Variants in TSKS observed in about 807,000 individuals in gnomAD.
The protein encoded by TSKS is testis-specific serine kinase substrate.
A neutral mutation model predicts 68.0 loss-of-function variants in TSKS; 27 were observed. The ratio of observed to expected loss-of-function variants is 0.40; its 90% CI spans 0.29 to 0.55. The LOEUF (loss-of-function observed/expected upper bound fraction) is 0.55, where lower values mean the gene tolerates loss of function less well. Ranked by LOEUF, TSKS falls within the 20% of genes least tolerant of loss-of-function variation. The pLI is 0.53. For missense variants in TSKS, 806 were observed against 776.0 expected, an observed-to-expected ratio of 1.04 and a Z score of -0.46; for synonymous variants, 331 against 340.4, an observed-to-expected ratio of 0.97 and a Z score of 0.30.
At position 49,759,663 on chromosome 19, in the gene TSKS, C is replaced by A. The variant is rs1041819164; in HGVS notation, c.399+2341G>T. 4.2e-3 allele frequency among the ~76,000 whole-genome samples: 532 copies of A among 127,418 alleles called. 1 individual carries two copies. Among genetic ancestry groups the A allele is most frequent in the African/African-American group, 0.013 (401 of 31,624 alleles). 83.6% of individuals were successfully genotyped at this position (127,418 alleles called of 152,430 possible). A position where few individuals can be genotyped will look rare whatever the true frequency, so the allele number is the denominator to read the frequency against. The stretch of plus-strand genomic sequence containing the variant: ...ACCCAGTCTCAAAAAAAAAAAAAAA[C>A]CGAAAGAAAGAAAAAAATTTGTTTA... On this transcript the variant is annotated intron_variant, in intron 2 of 10. Transcript: ENST00000246801.
intron 2 of TSKS, among the ~76,000 whole-genome samples, chr19:49,760,368 T>C (rs1159623978): frequency 6.6e-6 from 1 of 151,608 alleles, no homozygotes; most frequent in African/African-American, 2.4e-5. Flanking sequence ...TCGCCCAGGC[T>C]GGAGTGCAGT....
At chr19:49,747,568 T>C (rs2084313655) in intron 4 of TSKS, 96 bp from the exon 5 acceptor site, 4 of 1,242,854 alleles carry the variant, frequency 3.2e-6, no homozygotes, top group Admixed American at 3.5e-5. Context: ...CCAGGCCTCC[T>C]AGCCCCCCAG....
chr19:49,754,955 G>A (rs934402471), intron 2 of TSKS, among the ~76,000 whole-genome samples: 4 of 152,076 alleles, frequency 2.6e-5, no homozygotes, highest in Non-Finnish European at 5.9e-5. Flanking sequence ...AAAATTAGCC[G>A]GGGATGGGGT....
At chr19:49,742,154 C>T in intron 8 of TSKS, 134 bp from the exon 9 acceptor site, 1 of 945,982 alleles carries the variant, frequency 1.1e-6, no homozygotes. Context: ...CCAGCATGCA[C>T]TGTGCACCAG....
rs2084445686 is a variant in TSKS, at chr19:49,762,041, G to A, written c.362C>T (p.Pro121Leu). The A allele has an allele frequency of 6.2e-7, 1 of 1,614,014 alleles. No individual in the cohort carries two copies. Among genetic ancestry groups the A allele is most frequent in the Non-Finnish European group, 8.5e-7 (1 of 1,180,014 alleles). ...GATGTCTGCGTCATCCGGATCCCAGGGTAGGGTAGGGGAGGCAGGGGGCCC... is the reference window on the plus strand; with the variant it reads ...GATGTCTGCGTCATCCGGATCCCAGAGTAGGGTAGGGGAGGCAGGGGGCCC... ...LAGPPASPTL[P>L]WDPDDADITE... Residue 121 changes from proline (P) to leucine (L), a missense_variant, in exon 2 of 11, where the codon CCC becomes CTC. Pro to Leu is a moderately conservative substitution (Grantham distance 98, BLOSUM62 -3). Coordinates refer to ENST00000246801, the MANE Select transcript of TSKS (RefSeq NM_021733.2).
intron 6 of TSKS, 104 bp downstream of exon 6, chr19:49,746,366 A>G (rs1326822717): frequency 7.3e-7 from 1 of 1,371,600 alleles, no homozygotes; most frequent in East Asian, 2.4e-5. Flanking sequence ...CAGCTACTTG[A>G]GAACCCCCGT....
intron 5 of TSKS, chr19:49,747,077 G>A: frequency 4.1e-6 from 6 of 1,450,388 alleles, no homozygotes; most frequent in Admixed American, 2.1e-5. Flanking sequence ...CACTTGGCAA[G>A]AACAACTGAA....
chr19:49,750,262 C>CTT (rs34913477), intron 2 of TSKS, among the ~76,000 whole-genome samples: 249 of 136,226 alleles, frequency 1.8e-3, no homozygotes, highest in African/African-American at 3.4e-3. Flanking sequence ...CATTGACATT[C>CTT]TTTTTTTTTT....
intron 2 of TSKS, among the ~76,000 whole-genome samples, chr19:49,749,195 C>T (rs1460082936): frequency 6.6e-6 from 1 of 152,184 alleles, no homozygotes. Flanking sequence ...ATGCACCAAG[C>T]ACTTGTCTTG....
rs944902069 is a variant in TSKS at position 49,760,327 on chromosome 19, A to T, written c.399+1677T>A. Among the ~76,000 whole-genome samples the T allele has an allele frequency of 2.0e-5, 3 of 151,788 alleles. No individual in the cohort carries two copies. The East Asian group carries it at 5.8e-4, about 30-fold the overall frequency. ...CTCTACAAAAATTATTATTATTGTT[A>T]TTATTTTTTTTTTGACAGACTCTCG... On this transcript the variant is annotated intron_variant, in intron 2 of 10. Coordinates refer to ENST00000246801, the MANE Select transcript of TSKS (RefSeq NM_021733.2).
At chr19:49,741,762 C>CA (rs1243398239) in intron 9 of TSKS, 123 bp downstream of exon 9, 7 of 1,382,688 alleles carry the variant, frequency 5.1e-6, no homozygotes, top group Non-Finnish European at 6.0e-6. Context: ...CCAGTGCCTG[C>CA]TGCTCCCAGC....
intron 6 of TSKS, 76 bp downstream of exon 6, chr19:49,746,394 C>T: frequency 6.4e-7 from 1 of 1,555,798 alleles, no homozygotes; most frequent in Non-Finnish European, 8.8e-7. Context: ...GTCCCGCCCA[C>T]CGCATCTCCT....
At chr19:49,759,362 G>C (rs1287834330) in intron 2 of TSKS, among the ~76,000 whole-genome samples, 1 of 151,530 alleles carries the variant, frequency 6.6e-6, no homozygotes, top group Admixed American at 6.6e-5. Context: ...CCAGCTACTC[G>C]GGAGGCTGAG....
intron 2 of TSKS, 22 bp downstream of exon 2, chr19:49,761,982 G>T (rs766562811): frequency 1.3e-6 from 2 of 1,585,756 alleles, no homozygotes; most frequent in Non-Finnish European, 1.7e-6. Flanking sequence ...CCTCCCCAGC[G>T]GGTGGTGTGG....
At chr19:49,760,581 C>T (rs902221130) in intron 2 of TSKS, among the ~76,000 whole-genome samples, 10 of 151,990 alleles carry the variant, frequency 6.6e-5, no homozygotes, top group Non-Finnish European at 8.8e-5. Context: ...ATGATCCACC[C>T]GCCTCGGCCT....
In TSKS at chr19:49,744,234, G is replaced by A; in HGVS notation, c.1358C>T (p.Ala453Val). 6.2e-7 allele frequency: 1 copy of A among 1,610,916 alleles called. No homozygotes were observed. Among genetic ancestry groups the A allele is most frequent in the Non-Finnish European group, 8.5e-7 (1 of 1,177,364 alleles). Residue 453 changes from alanine to valine, a missense_variant, in exon 8 of 11, where the codon GCC (alanine) becomes GTC (valine). Physicochemically the swap from Ala to Val is moderately conservative, Grantham distance 64 (BLOSUM62 0). Transcript: ENST00000246801. Reference sequence around the variant, plus strand: ...GAGGCAAGCCCAGCCCCGTTACCTGGCACAGCGGGCACAGTTGCCTTGGTG... The same window carrying A: ...GAGGCAAGCCCAGCCCCGTTACCTGACACAGCGGGCACAGTTGCCTTGGTG... ...RSHQGNCARCASQGSQLSTES... is the reference protein window; with the variant it reads ...RSHQGNCARCVSQGSQLSTES...
rs2084456329 is a variant in TSKS, at chr19:49,762,969, T to C, written c.170+109A>G. On this transcript the variant is annotated intron_variant, in intron 1 of 10. Coordinates refer to ENST00000246801, the MANE Select transcript of TSKS (RefSeq NM_021733.2). ...GCTGCCCTCTTTCCTGCCCCCGACC[T>C]GCTGGCTTTTCCCCCTCCCCTTCCT... is the stretch of plus-strand genomic sequence containing the variant. 2.4e-5 allele frequency: 34 copies of C among 1,409,658 alleles called. 1 individual carries two copies. The South Asian group carries it at 4.7e-4, about 19-fold the overall frequency. 87.3% of individuals were successfully genotyped at this position (1,409,658 alleles called of 1,614,324 possible).
In TSKS at chr19:49,748,088, G is replaced by A; in HGVS notation, c.576C>T (p.Leu192=). The A allele has an allele frequency of 1.9e-6, 3 of 1,613,914 alleles. No individual in the cohort carries two copies. Among genetic ancestry groups the A allele is most frequent in the East Asian group, 2.2e-5 (1 of 44,878 alleles). Residue 192 remains leucine (L), a synonymous_variant, in exon 4 of 11, where the codon CTC becomes CTT. Coordinates refer to ENST00000246801, the MANE Select transcript of TSKS (RefSeq NM_021733.2). The part of the protein sequence containing the change: ...AEELEGYCIQ[L]KENCWKVTRS... ...TTCCTGCGTCCCACTGGCTCACCTT[G>A]AGTTGAATGCAGTACCCCTCCAACT...
chr19:49,745,468 G>A, intron 6 of TSKS, 72 bp from the exon 7 acceptor site: 1 of 1,316,232 alleles, frequency 7.6e-7, no homozygotes, highest in Non-Finnish European at 1.0e-6. Flanking sequence ...CACGAGATAG[G>A]TGGGACAGGA....
Sources: gnomAD v4.1 joint callset for allele counts (sites outside exome capture counted in the v4.1 genomes callset) on GRCh38, gnomAD v4.1.1 for gene constraint, MANE v1.5 for transcripts, NCBI Gene and HGNC (gene_info 2026-07-23, HGNC 2026-07-21) for gene names.